CATSPERT: variants seen among roughly 807,000 people sequenced by gnomAD.
CATSPERT encodes the protein cation channel sperm-associated targeting subunit tau.
At chr2:201,524,063 T>C in the CATSPERT span, among the ~76,000 whole-genome samples, 2 of 152,078 alleles carry the variant, frequency 1.3e-5, no homozygotes, top group African/African-American at 4.8e-5. Flanking sequence ...ACTTGGAAAA[T>C]ATATTTCAGG....
the CATSPERT span, among the ~76,000 whole-genome samples, chr2:201,558,562 A>C: frequency 6.6e-6 from 1 of 152,220 alleles, no homozygotes; most frequent in Non-Finnish European, 1.5e-5. Flanking sequence ...TTGTTGGGAA[A>C]AGGTTAGCAG....
At chr2:201,533,092 G>GGCCT in the CATSPERT span, among the ~76,000 whole-genome samples, 2 of 152,092 alleles carry the variant, frequency 1.3e-5, no homozygotes, top group African/African-American at 2.4e-5. Flanking sequence ...AGGAAACAGG[G>GGCCT]GCCTGTCTTG....
chr2:201,609,011 T>C, the CATSPERT span, among the ~76,000 whole-genome samples: 3 of 151,902 alleles, frequency 2.0e-5, no homozygotes, highest in Middle Eastern at 3.2e-3. Flanking sequence ...AGAATAGCTA[T>C]GCCAGGAGCA....
the CATSPERT span, among the ~76,000 whole-genome samples, chr2:201,510,170 G>A: frequency 1.3e-5 from 2 of 150,376 alleles, no homozygotes; most frequent in Non-Finnish European, 1.5e-5. Context: ...AGAATAAGGG[G>A]TCGGGGATGT....
At chr2:201,611,799 A>G in the CATSPERT span, among the ~76,000 whole-genome samples, 2 of 152,186 alleles carry the variant, frequency 1.3e-5, no homozygotes, top group Non-Finnish European at 2.9e-5. Context: ...AAATGTCCTA[A>G]TATCTTCCAA....
chr2:201,597,586 C>T, the CATSPERT span, among the ~76,000 whole-genome samples: 25 of 152,152 alleles, frequency 1.6e-4, no homozygotes, highest in South Asian at 4.2e-3. Flanking sequence ...CTCCGCTGTG[C>T]GGGAATCACT....
the CATSPERT span, chr2:201,536,210 G>A: frequency 8.9e-5 from 143 of 1,613,320 alleles, no homozygotes; most frequent in East Asian, 6.7e-5. Context: ...GCACTTCTGT[G>A]GGTGAAGGTG....
the CATSPERT span, among the ~76,000 whole-genome samples, chr2:201,573,251 C>T: frequency 1.8e-4 from 28 of 152,240 alleles, no homozygotes; most frequent in Admixed American, 3.3e-4. Context: ...GTATTTGTGG[C>T]AATGTGGACC....
At chr2:201,575,463 A>G in the CATSPERT span, 1 of 468,772 alleles carries the variant, frequency 2.1e-6, no homozygotes, top group Non-Finnish European at 3.6e-6. Context: ...GCTGCACAGC[A>G]GGAAATGAGT....
the CATSPERT span, among the ~76,000 whole-genome samples, chr2:201,563,053 G>A: frequency 2.6e-5 from 4 of 151,224 alleles, no homozygotes; most frequent in South Asian, 4.2e-4. Flanking sequence ...ACGGGGTGGT[G>A]GCCGGGCAGA....
chr2:201,594,302 T>C, the CATSPERT span, among the ~76,000 whole-genome samples: 1 of 152,216 alleles, frequency 6.6e-6, no homozygotes, highest in Non-Finnish European at 1.5e-5. Context: ...TGTTGAATAT[T>C]GGCCCCCACT....
the CATSPERT span, among the ~76,000 whole-genome samples, chr2:201,566,970 G>A: frequency 6.6e-6 from 1 of 152,180 alleles, no homozygotes; most frequent in Non-Finnish European, 1.5e-5. Context: ...GTGTTAGAAA[G>A]ATTAAACAAC....
At chr2:201,618,093 G>A in the CATSPERT span, among the ~76,000 whole-genome samples, 23 of 152,226 alleles carry the variant, frequency 1.5e-4, no homozygotes, top group East Asian at 2.1e-3. Flanking sequence ...AAATAGGAAC[G>A]CTTTTACACT....
chr2:201,604,266 T>C, the CATSPERT span, among the ~76,000 whole-genome samples: 1 of 151,950 alleles, frequency 6.6e-6, no homozygotes, highest in East Asian at 1.9e-4. Context: ...GATCTAGCAA[T>C]AAATATAATC....
chr2:201,603,925 T>C, the CATSPERT span, among the ~76,000 whole-genome samples: 10 of 152,312 alleles, frequency 6.6e-5, no homozygotes, highest in East Asian at 1.5e-3. Context: ...TTGTATATGA[T>C]AGGAGGTAGA....
chr2:201,502,744 T>G, the CATSPERT span, among the ~76,000 whole-genome samples: 1 of 152,190 alleles, frequency 6.6e-6, no homozygotes, highest in Non-Finnish European at 1.5e-5. Context: ...CCTTGGAATC[T>G]ATTGAGCTTC....
At chr2:201,568,824 T>A in the CATSPERT span, among the ~76,000 whole-genome samples, 1 of 152,150 alleles carries the variant, frequency 6.6e-6, no homozygotes. Context: ...ATTCCACAGA[T>A]CAGGAAAGCA....
chr2:201,552,699 A>G, the CATSPERT span, among the ~76,000 whole-genome samples: 2 of 152,200 alleles, frequency 1.3e-5, no homozygotes, highest in African/African-American at 4.8e-5. Context: ...TGGCAACCCT[A>G]ACCTTCCATT....
the CATSPERT span, among the ~76,000 whole-genome samples, chr2:201,505,016 A>G: frequency 2.6e-5 from 4 of 152,210 alleles, no homozygotes; most frequent in African/African-American, 9.6e-5. Context: ...GTTCTCCTTC[A>G]TTTCCTGCTA....
Sources: allele counts gnomAD v4.1 joint callset (sites outside exome capture counted in the v4.1 genomes callset), GRCh38; gene constraint gnomAD v4.1.1; transcripts MANE v1.5; gene names NCBI Gene and HGNC (gene_info 2026-07-23, HGNC 2026-07-21).